RHOBTB1: variants seen among roughly 807,000 people sequenced by gnomAD.
RHOBTB1 encodes the protein Rho related BTB domain containing 1.
In RHOBTB1, 40 loss-of-function variants were observed where a neutral mutation model predicts 71.6. The ratio of observed to expected loss-of-function variants is 0.56; its 90% confidence interval spans 0.43 to 0.73. The LOEUF (loss-of-function observed/expected upper bound fraction) is 0.73, where lower values mean the gene tolerates loss of function less well. Among genes scored for constraint, RHOBTB1 ranks in the 30% least tolerant of loss-of-function variants. The pLI is 0.00. For missense variants in RHOBTB1, 797 were observed against 894.0 expected, an observed-to-expected ratio of 0.89 and a Z score of 1.38; for synonymous variants, 319 against 334.9, an observed-to-expected ratio of 0.95 and a Z score of 0.52.
chr10:60,968,873 A>G (rs2086060995), intron 2 of RHOBTB1, among the ~76,000 whole-genome samples: 1 of 152,028 alleles, frequency 6.6e-6, no homozygotes, highest in South Asian at 2.1e-4. Flanking sequence ...TATGAGCGAG[A>G]CATCAGGGGT....
chr10:60,890,408 C>T (rs1039242147), intron 5 of RHOBTB1, among the ~76,000 whole-genome samples: 1 of 152,040 alleles, frequency 6.6e-6, no homozygotes, highest in Non-Finnish European at 1.5e-5. Context: ...TGTCACAAAG[C>T]CCCTGGAATA....
intron 2 of RHOBTB1, among the ~76,000 whole-genome samples, chr10:60,934,352 A>G (rs1201472501): frequency 2.0e-5 from 3 of 152,126 alleles, no homozygotes; most frequent in Non-Finnish European, 4.4e-5. Flanking sequence ...CCCTTTACTT[A>G]TATCAAAGGA....
chr10:60,956,197 T>C (rs965596247), intron 2 of RHOBTB1, among the ~76,000 whole-genome samples: 4 of 152,180 alleles, frequency 2.6e-5, no homozygotes, highest in African/African-American at 7.2e-5. Flanking sequence ...CTGTAGGCAA[T>C]TGTAACACAA....
chr10:60,939,704 A>G (rs754129348), intron 2 of RHOBTB1, among the ~76,000 whole-genome samples: 3 of 152,210 alleles, frequency 2.0e-5, no homozygotes, highest in African/African-American at 4.8e-5. Flanking sequence ...GGAAACGTGA[A>G]TGGCCTATTT....
chr10:60,895,841 A>T (rs1171223366), intron 4 of RHOBTB1, among the ~76,000 whole-genome samples: 1 of 152,274 alleles, frequency 6.6e-6, no homozygotes, highest in Non-Finnish European at 1.5e-5. Flanking sequence ...ATATGAACGT[A>T]GCTCCCTAAA....
chr10:60,901,242 G>A (rs774438530), intron 4 of RHOBTB1, among the ~76,000 whole-genome samples: 1 of 152,226 alleles, frequency 6.6e-6, no homozygotes, highest in Non-Finnish European at 1.5e-5. Context: ...GCTGAGGGCA[G>A]AGGCATTTTT....
In RHOBTB1 at chr10:60,888,612, G is replaced by C; in HGVS notation, c.1056C>G (p.Ser352Arg). ...QADQWKSSNK[S>R]LVEALGLEAE... is the part of the protein sequence containing the mutation. ...CTTCCAGCCCCAGAGCCTCCACCAG[G>C]CTCTTGTTTGAAGACTTCCACTGGT... Residue 352 changes from serine (S) to arginine (R), a missense_variant, in exon 6 of 11, where the codon AGC becomes AGG. Physicochemically the swap from Ser to Arg is moderately radical, Grantham distance 110 (BLOSUM62 -1). Coordinates refer to ENST00000337910, the MANE Select transcript of RHOBTB1 (RefSeq NM_014836.5). 1 of 1,614,156 alleles carries C rather than the reference G, an allele frequency of 6.2e-7. No individual in the cohort carries two copies. The highest frequency in any genetic ancestry group is 8.5e-7 in the Non-Finnish European group (1 of 1,180,032).
At chr10:60,889,398 ATGC>A (rs1180368353) in intron 5 of RHOBTB1, among the ~76,000 whole-genome samples, 1 of 152,204 alleles carries the variant, frequency 6.6e-6, no homozygotes, top group East Asian at 1.9e-4. Context: ...CAGAGTTTCA[ATGC>A]ACATAATTTG....
chr10:60,907,011 T>C (rs2082714354), intron 4 of RHOBTB1, among the ~76,000 whole-genome samples: 1 of 152,188 alleles, frequency 6.6e-6, no homozygotes, highest in Non-Finnish European at 1.5e-5. Context: ...AGTGAATAAG[T>C]ATCATGAGAT....
intron 2 of RHOBTB1, among the ~76,000 whole-genome samples, chr10:60,966,984 TAAATAAACAAGG>T (rs1315195779): frequency 6.6e-6 from 1 of 151,862 alleles, no homozygotes; most frequent in Admixed American, 6.6e-5. Context: ...AGAAATATTA[TAAATAAACAAGG>T]CACATCTTTA....
intron 7 of RHOBTB1, among the ~76,000 whole-genome samples, chr10:60,885,297 AATT>A (rs763917304): frequency 6.6e-6 from 1 of 152,174 alleles, no homozygotes; most frequent in East Asian, 1.9e-4. Flanking sequence ...TATGTATAAT[AATT>A]ATTATTTGTC....
At chr10:60,874,708 G>C (rs541489607) in intron 9 of RHOBTB1, among the ~76,000 whole-genome samples, 9 of 152,276 alleles carry the variant, frequency 5.9e-5, no homozygotes, top group African/African-American at 2.2e-4. Flanking sequence ...TACATATGAA[G>C]CTGGTGCCTT....
At chr10:60,908,286 T>C (rs144970999) in intron 4 of RHOBTB1, among the ~76,000 whole-genome samples, 1 of 152,342 alleles carries the variant, frequency 6.6e-6, no homozygotes, top group East Asian at 1.9e-4. Context: ...GTCTAAAACA[T>C]GTTGGTTTAA....
intron 1 of RHOBTB1, among the ~76,000 whole-genome samples, chr10:60,993,755 T>A (rs532133404): frequency 1.6e-4 from 25 of 152,114 alleles, no homozygotes; most frequent in African/African-American, 5.5e-4. Context: ...AAATAAAATA[T>A]ATAACATTTA....
intron 4 of RHOBTB1, among the ~76,000 whole-genome samples, chr10:60,906,238 CAGA>C (rs2082669014): frequency 6.6e-6 from 1 of 152,188 alleles, no homozygotes; most frequent in African/African-American, 2.4e-5. Flanking sequence ...CATTCACTCT[CAGA>C]AGGTTTGCTT....
chr10:60,880,263 CAGAGAGAGAG>C (rs374461338), intron 7 of RHOBTB1, among the ~76,000 whole-genome samples: 11 of 107,192 alleles, frequency 1.0e-4, no homozygotes, highest in African/African-American at 3.7e-4. Context: ...GAGTGAGAGA[CAGAGAGAGAG>C]AGAGAGAGAG....
rs147670503 is a variant in RHOBTB1 at position 60,890,736 on chromosome 10, C to T, written c.483-1551G>A. 9.0e-3 allele frequency among the ~76,000 whole-genome samples: 1,368 copies of T among 152,172 alleles called. 16 individuals are homozygous for T. Among genetic ancestry groups the T allele is most frequent in the African/African-American group, 0.03 (1,263 of 41,502 alleles). Reference sequence around the variant, plus strand: ...AATACTGGATAGAATTTGGATTTGACGACTTAGATGAAAAGGAGGGAAAAT... The same window carrying T: ...AATACTGGATAGAATTTGGATTTGATGACTTAGATGAAAAGGAGGGAAAAT... On this transcript the variant is annotated intron_variant, in intron 5 of 10. Transcript: ENST00000337910.
At chr10:60,921,600 C>A (rs1457125121) in intron 2 of RHOBTB1, among the ~76,000 whole-genome samples, 1 of 152,150 alleles carries the variant, frequency 6.6e-6, no homozygotes, top group Non-Finnish European at 1.5e-5. Context: ...ATCTTTAAAT[C>A]CTCAAATCTT....
In RHOBTB1 at chr10:60,874,990, A is replaced by G; in HGVS notation, c.1779T>C (p.Ile593=). The G allele has an allele frequency of 1.9e-6, 3 of 1,614,168 alleles. No homozygotes were observed. Among genetic ancestry groups the G allele is most frequent in the Non-Finnish European group, 2.5e-6 (3 of 1,179,988 alleles). ...CCAAGTAAGAGAGCACTTCTCCGTC[A>G]ATGCCCACGCCACTCGTGGCGGCTT... is the stretch of plus-strand genomic sequence containing the variant. ...LTKAATSGVG[I]DGEVLSYLEL... Residue 593 remains isoleucine (I), a synonymous_variant, in exon 9 of 11, where the codon ATT becomes ATC. Coordinates refer to ENST00000337910, the MANE Select transcript of RHOBTB1 (RefSeq NM_014836.5).
Sources: gnomAD v4.1 joint callset for allele counts (sites outside exome capture counted in the v4.1 genomes callset) on GRCh38, gnomAD v4.1.1 for gene constraint, MANE v1.5 for transcripts, NCBI Gene and HGNC (gene_info 2026-07-23, HGNC 2026-07-21) for gene names.